SYNJ1: variants seen among roughly 807,000 people sequenced by gnomAD.
SYNJ1 encodes synaptojanin 1, also known as polyphosphatidylinositol phosphatase SYNJ1.
A neutral mutation model predicts 168.2 loss-of-function variants in SYNJ1; 78 were observed. The ratio of observed to expected loss-of-function variants is 0.46; its 90% CI spans 0.39 to 0.56. SYNJ1 has a LOEUF of 0.56. Among genes scored for constraint, SYNJ1 ranks in the 20% least tolerant of loss-of-function variants. The probability of loss-of-function intolerance (pLI) is 0.00; values close to 1 mark genes in which losing one functional copy is unlikely to be tolerated. For missense variants in SYNJ1, 1,303 were observed against 1,597.6 expected, an observed-to-expected ratio of 0.82 and a Z score of 3.14; for synonymous variants, 539 against 548.6, an observed-to-expected ratio of 0.98 and a Z score of 0.24.
At chr21:32,662,940 T>C (rs769314581) in intron 18 of SYNJ1, among the ~76,000 whole-genome samples, 76 of 152,170 alleles carry the variant, frequency 5.0e-4, no homozygotes, top group Non-Finnish European at 8.5e-4. Context: ...GACTGGATCC[T>C]CGAGTAAATA....
intron 2 of SYNJ1, among the ~76,000 whole-genome samples, chr21:32,713,473 CATGG>C (rs1171972673): frequency 7.9e-6 from 1 of 126,200 alleles, no homozygotes; most frequent in African/African-American, 3.2e-5. Flanking sequence ...CATATGTCAA[CATGG>C]ATGATTTCCC....
At chr21:32,716,745 T>C (rs949394102) in intron 2 of SYNJ1, among the ~76,000 whole-genome samples, 1 of 152,220 alleles carries the variant, frequency 6.6e-6, no homozygotes, top group Non-Finnish European at 1.5e-5. Flanking sequence ...CCCTACCAAC[T>C]TCTTTCTGGG....
intron 26 of SYNJ1, 29 bp from the exon 27 acceptor site, chr21:32,643,486 A>G (rs2039937566): frequency 6.2e-7 from 1 of 1,607,236 alleles, no homozygotes; most frequent in East Asian, 2.2e-5. Context: ...GAAACTATAT[A>G]TTGTTCAGGG....
Position 32,673,613 on chromosome 21 carries a change from C to T in SYNJ1, c.1535-82G>A, listed in dbSNP as rs576282277. 2.5e-5 allele frequency: 31 copies of T among 1,215,778 alleles called. No individual in the cohort carries two copies. The South Asian group carries it at 2.8e-4, about 11-fold the overall frequency. The allele number at this position is 1,215,778 out of a possible 1,614,324, so 75.3% of individuals were successfully genotyped here. A position where few individuals can be genotyped will look rare whatever the true frequency, so the allele number is the denominator to read the frequency against. ...GATTTTCATAACTGAGATACGATGTCCGCTGGAAAGCACAATTATTATCAC... is the reference window on the plus strand; with the variant it reads ...GATTTTCATAACTGAGATACGATGTTCGCTGGAAAGCACAATTATTATCAC... On this transcript the variant is annotated intron_variant, in intron 13 of 32. Coordinates refer to ENST00000674351, the MANE Select transcript of SYNJ1 (RefSeq NM_203446.3).
chr21:32,725,838 T>C (rs2146422897), intron 2 of SYNJ1, among the ~76,000 whole-genome samples: 2 of 152,156 alleles, frequency 1.3e-5, no homozygotes, highest in East Asian at 3.9e-4. Context: ...AATCATATAC[T>C]TTTTTTTCTT....
chr21:32,714,282 T>C (rs965817522), intron 2 of SYNJ1, among the ~76,000 whole-genome samples: 4 of 152,146 alleles, frequency 2.6e-5, no homozygotes, highest in African/African-American at 9.7e-5. Context: ...GATTTTATTG[T>C]AGGTCATCTT....
intron 14 of SYNJ1, 70 bp downstream of exon 14, chr21:32,673,270 A>T: frequency 7.3e-7 from 1 of 1,377,784 alleles, no homozygotes; most frequent in Non-Finnish European, 9.7e-7. Context: ...CTGAAGTGCT[A>T]TATTTGTTTT....
rs1396229702 is a variant in SYNJ1, at chr21:32,645,788, A to C, written c.3249T>G (p.Ser1083Arg). Residue 1083 changes from serine (S) to arginine (R), a missense_variant and splice_region_variant, in exon 25 of 33, where the codon AGT (serine) becomes AGG (arginine). Around this residue, in one of 2 missense-constraint regions of SYNJ1, gnomAD observed 383 missense variants for 388.8 expected, o/e 0.99. Transcript: ENST00000674351. ...SRTPGPPSAQ[S>R]SPIDAQPATP... ...TTGCTGGCTGCGCGTCAATAGGAGA[A>C]CCTAAAAAGCGCACAGGAGGTAAGA... The C allele has an allele frequency of 8.8e-6, 13 of 1,478,862 alleles. No individual in the cohort carries two copies. The South Asian group carries it at 1.2e-4, about 14-fold the overall frequency. 91.6% of individuals were successfully genotyped at this position (1,478,862 alleles called of 1,614,324 possible).
rs1306411438 is a variant in SYNJ1 at position 32,629,178 on chromosome 21, T to C, written c.*2627A>G. 6 of 152,642 alleles carry C rather than the reference T, an allele frequency of 3.9e-5. No individual in the cohort carries two copies. Among genetic ancestry groups the C allele is most frequent in the African/African-American group, 1.4e-4 (6 of 41,458 alleles). The allele number at this position is 152,642 out of a possible 1,614,324, so 9.5% of individuals were successfully genotyped here. On this transcript the variant is annotated 3_prime_UTR_variant, in exon 33 of 33. Transcript: ENST00000674351. ...GAAACATTGCTCACAGATCTGCAATTTGCACTAGTGAAGTTTACCTAACAA... is the reference window on the plus strand; with the variant it reads ...GAAACATTGCTCACAGATCTGCAATCTGCACTAGTGAAGTTTACCTAACAA...
chr21:32,662,512 A>G (rs1158001527), intron 18 of SYNJ1, among the ~76,000 whole-genome samples: 2 of 152,212 alleles, frequency 1.3e-5, no homozygotes, highest in African/African-American at 4.8e-5. Flanking sequence ...CCAGGTCCAC[A>G]GTTTTTGAAG....
chr21:32,705,074 G>A (rs971132403), intron 2 of SYNJ1, among the ~76,000 whole-genome samples: 2 of 151,746 alleles, frequency 1.3e-5, no homozygotes, highest in Admixed American at 6.6e-5. Flanking sequence ...ACTTGAACCT[G>A]GGAGGCGTAG....
chr21:32,721,284 C>T (rs573405353), intron 2 of SYNJ1, among the ~76,000 whole-genome samples: 14 of 152,302 alleles, frequency 9.2e-5, no homozygotes, highest in African/African-American at 3.4e-4. Context: ...TCCTAAAAAA[C>T]ATATTAACTG....
At chr21:32,727,675 G>A (rs2043530233) in intron 1 of SYNJ1, among the ~76,000 whole-genome samples, 2 of 152,212 alleles carry the variant, frequency 1.3e-5, no homozygotes, top group African/African-American at 2.4e-5. Context: ...TGCGCCAGAA[G>A]AGATACCCCG....
chr21:32,641,946 G>C lies in SYNJ1; in HGVS notation c.3538C>G (p.Gln1180Glu). 3.1e-6 allele frequency: 5 copies of C among 1,613,932 alleles called. No individual in the cohort carries two copies. Among genetic ancestry groups the C allele is most frequent in the Non-Finnish European group, 4.2e-6 (5 of 1,179,928 alleles). ...DNIGRSQPSP[Q>E]AGLAGPGPAG... ...GGTCCTGGGCCTGCAAGTCCTGCTT[G>C]AGGTGAAGGCTGACTGCGTCCTGGA... Residue 1180 changes from glutamine (Q) to glutamate (E), a missense_variant, in exon 29 of 33, where the codon CAA (glutamine) becomes GAA (glutamate). By Grantham distance (29) the Gln-to-Glu change is conservative (BLOSUM62 2). This residue lies in a region of SYNJ1 where 383 missense variants were observed against 388.8 expected (regional missense o/e 0.99). Coordinates refer to ENST00000674351, the MANE Select transcript of SYNJ1 (RefSeq NM_203446.3).
intron 30 of SYNJ1, among the ~76,000 whole-genome samples, 187 bp from the exon 31 acceptor site, chr21:32,639,312 G>A (rs938351499): frequency 6.6e-6 from 1 of 152,120 alleles, no homozygotes; most frequent in African/African-American, 2.4e-5. Flanking sequence ...GGAGATGACA[G>A]AAGGAAAAAG....
chr21:32,670,144 G>A lies in SYNJ1; in HGVS notation c.1811+144C>T, dbSNP rs113321912. The A allele has an allele frequency of 8.2e-5, 49 of 596,572 alleles. No individual in the cohort carries two copies. In the African/African-American group the frequency reaches 8.7e-4, roughly 11 times the overall value. 37.0% of individuals were successfully genotyped at this position (596,572 alleles called of 1,614,324 possible). A position where few individuals can be genotyped will look rare whatever the true frequency, so the allele number is the denominator to read the frequency against. On this transcript the variant is annotated intron_variant, in intron 15 of 32. Transcript: ENST00000674351. ...TGCAGAGAGATCCTCAGACCCAAAA[G>A]TATGAGAAATGCTCTTTTACAGTTT...
intron 11 of SYNJ1, among the ~76,000 whole-genome samples, chr21:32,679,123 A>G (rs1435543057): frequency 6.6e-6 from 1 of 152,196 alleles, no homozygotes; most frequent in Non-Finnish European, 1.5e-5. Flanking sequence ...CTTATTTAAA[A>G]CAAGAAAATT....
At chr21:32,636,324 C>G (rs926377858) in intron 31 of SYNJ1, among the ~76,000 whole-genome samples, 1 of 152,052 alleles carries the variant, frequency 6.6e-6, no homozygotes, top group African/African-American at 2.4e-5. Flanking sequence ...TTGTAAAGGA[C>G]GTATAACATG....
At chr21:32,709,183 G>A (rs966584165) in intron 2 of SYNJ1, among the ~76,000 whole-genome samples, 6 of 152,028 alleles carry the variant, frequency 3.9e-5, no homozygotes, top group Non-Finnish European at 7.4e-5. Flanking sequence ...AATTTTTACT[G>A]ACTTAAGAAA....
Sources: gnomAD v4.1 joint callset for allele counts (sites outside exome capture counted in the v4.1 genomes callset) on GRCh38, gnomAD v4.1.1 for gene constraint, gnomAD v4.1.1 regional missense constraint, MANE v1.5 for transcripts, NCBI Gene and HGNC (gene_info 2026-07-23, HGNC 2026-07-21) for gene names.